FCHSD2: variants seen among roughly 807,000 people sequenced by gnomAD.
FCHSD2 encodes FCH and double SH3 domains 2, also known as F-BAR and double SH3 domains protein 2.
Under a neutral mutation model 108.1 loss-of-function variants are expected in FCHSD2, and 38 were observed. The observed-to-expected ratio is 0.35, with a 90% CI of 0.27 to 0.46. The LOEUF is 0.46. Ranked by LOEUF, FCHSD2 falls within the 20% of genes least tolerant of loss-of-function variation. The pLI is 1.00. For synonymous variants in FCHSD2, 279 were observed against 314.7 expected, an observed-to-expected ratio of 0.89 and a Z score of 1.20; for missense variants, 751 against 897.8, an observed-to-expected ratio of 0.84 and a Z score of 2.09.
intron 8 of FCHSD2, among the ~76,000 whole-genome samples, chr11:72,938,494 T>C (rs1410431123): frequency 6.6e-6 from 1 of 152,174 alleles, no homozygotes; most frequent in African/African-American, 2.4e-5. Context: ...TTCTATTCTC[T>C]TCCTTGCTGG....
chr11:72,893,778 A>C lies in FCHSD2; in HGVS notation c.925-3833T>G, dbSNP rs189775324. On this transcript the variant is annotated intron_variant, in intron 10 of 19. Coordinates refer to ENST00000409418, the MANE Select transcript of FCHSD2 (RefSeq NM_014824.3). ...AAAAAAAAAACTCTAGTCCCTTTAG[A>C]ATAAAATATTACAATAAAGTCTTTT... 1.5e-3 allele frequency among the ~76,000 whole-genome samples: 226 copies of C among 152,246 alleles called. 1 individual carries two copies. The highest frequency in any genetic ancestry group is 5.1e-3 in the African/African-American group (214 of 41,560).
chr11:73,062,869 G>A (rs777309777), intron 3 of FCHSD2, among the ~76,000 whole-genome samples: 3 of 152,130 alleles, frequency 2.0e-5, no homozygotes, highest in Non-Finnish European at 2.9e-5. Flanking sequence ...ACACTTCAGC[G>A]TATTATCCAG....
intron 8 of FCHSD2, among the ~76,000 whole-genome samples, chr11:72,962,616 T>C (rs1555064784): frequency 1.3e-5 from 2 of 151,204 alleles, no homozygotes; most frequent in Non-Finnish European, 2.9e-5. Context: ...TTTTTTAAAC[T>C]AAGAATGTTC....
chr11:72,937,795 A>G (rs190986362), intron 8 of FCHSD2, among the ~76,000 whole-genome samples: 4 of 152,366 alleles, frequency 2.6e-5, no homozygotes, highest in African/African-American at 7.2e-5. Flanking sequence ...GGGTGCTAGA[A>G]GAGAGGCACC....
Position 72,867,937 on chromosome 11 carries a change from T to C in FCHSD2, c.1236A>G (p.Gln412=), listed in dbSNP as rs778839203. The change falls in exon 13 of 20, where the codon CAA becomes CAG. Residue 412 remains glutamine (Q), a synonymous_variant. Transcript: ENST00000409418. ...VDTWLKSAMN[Q]VMEELENERW... is the part of the protein sequence containing the mutation. ...GCTCATTTTCCAGTTCTTCCATTAC[T>C]TGGTTCATGGCACTCTTTAGCCATG... 1.2e-6 allele frequency: 2 copies of C among 1,607,764 alleles called. No individual in the cohort carries two copies. The highest frequency in any genetic ancestry group is 1.7e-6 in the Non-Finnish European group (2 of 1,177,294).
Position 72,868,246 on chromosome 11 carries a change from G to A in FCHSD2, c.1147-220C>T, listed in dbSNP as rs138400995. Among the ~76,000 whole-genome samples, 24 of 152,234 alleles carry A rather than the reference G, an allele frequency of 1.6e-4. No individual in the cohort carries two copies. The East Asian group carries it at 4.4e-3, about 28-fold the overall frequency. ...CATTATCCTCAGCAAACTAAGGCAG[G>A]AACAGAAAACCAAACACTCCATGTT... On this transcript the variant is annotated intron_variant, in intron 12 of 19. Coordinates refer to ENST00000409418, the MANE Select transcript of FCHSD2 (RefSeq NM_014824.3).
At chr11:73,087,869 G>A (rs538391516) in intron 2 of FCHSD2, among the ~76,000 whole-genome samples, 1 of 152,204 alleles carries the variant, frequency 6.6e-6, no homozygotes, top group Admixed American at 6.5e-5. Context: ...CTCCATTCAT[G>A]GCAAGTGCCC....
At chr11:72,855,002 G>A (rs1013491408) in intron 13 of FCHSD2, among the ~76,000 whole-genome samples, 41 of 151,982 alleles carry the variant, frequency 2.7e-4, no homozygotes, top group African/African-American at 1.7e-4. Context: ...GGCCAGGCAC[G>A]GTGGCTCACA....
intron 3 of FCHSD2, among the ~76,000 whole-genome samples, chr11:73,066,239 C>T (rs192670960): frequency 1.2e-3 from 179 of 152,256 alleles, no homozygotes; most frequent in Non-Finnish European, 1.9e-3. Context: ...CACAAACAAG[C>T]AATGGGGAAA....
Position 72,840,947 on chromosome 11 carries a change from T to C in FCHSD2, c.2069A>G (p.His690Arg). The C allele has an allele frequency of 6.2e-7, 1 of 1,612,860 alleles. No homozygotes were observed. The highest frequency in any genetic ancestry group is 8.5e-7 in the Non-Finnish European group (1 of 1,178,992). The change falls in exon 19 of 20, where the codon CAT (histidine) becomes CGT (arginine). Residue 690 changes from histidine to arginine, a missense_variant. By Grantham distance (29) the His-to-Arg change is conservative (BLOSUM62 0). Transcript: ENST00000409418. Reference sequence around the variant, plus strand: ...CTGTGAGAATCCTGGTGACTCAGCATGAAGGCTTTTTTCTAAGGGAGAAAA... The same window carrying C: ...CTGTGAGAATCCTGGTGACTCAGCACGAAGGCTTTTTTCTAAGGGAGAAAA... Reference protein sequence around the residue: ...RSPSANEKSLHAESPGFSQAS... With the variant: ...RSPSANEKSLRAESPGFSQAS...
intron 8 of FCHSD2, among the ~76,000 whole-genome samples, chr11:72,963,604 G>T (rs764756038): frequency 1.1e-4 from 17 of 152,196 alleles, no homozygotes; most frequent in South Asian, 2.1e-4. Context: ...CAGTTTCGTG[G>T]AAGATAATTT....
At position 72,959,856 on chromosome 11, in the gene FCHSD2, G is replaced by GTGTGTGTT. The variant is rs1166052129; in HGVS notation, c.705+24231_705+24232insAACACACA. On this transcript the variant is annotated intron_variant, in intron 8 of 19. Transcript: ENST00000409418. ...TTCCCTGATTTTAAGTTTCTAGGGT[G>GTGTGTGTT]TGTGTGTGTGTGTGTGTGTGTGTGT... 2.7e-4 allele frequency among the ~76,000 whole-genome samples: 38 copies of GTGTGTGTT among 141,550 alleles called. 1 individual carries two copies. The highest frequency in any genetic ancestry group is 2.5e-3 in the Admixed American group (36 of 14,462). 92.9% of individuals were successfully genotyped at this position (141,550 alleles called of 152,430 possible).
At chr11:72,879,635 G>A (rs528963940) in intron 12 of FCHSD2, among the ~76,000 whole-genome samples, 2 of 152,206 alleles carry the variant, frequency 1.3e-5, no homozygotes, top group African/African-American at 4.8e-5. Flanking sequence ...TCACAAGATG[G>A]CCTTAACAGT....
intron 8 of FCHSD2, among the ~76,000 whole-genome samples, chr11:72,958,662 C>G (rs1401943092): frequency 1.3e-5 from 2 of 152,180 alleles, no homozygotes; most frequent in African/African-American, 4.8e-5. Context: ...ACCAATTCCA[C>G]TTTCTCCTTT....
At chr11:72,913,075 A>G (rs1432483894) in intron 9 of FCHSD2, among the ~76,000 whole-genome samples, 1 of 152,070 alleles carries the variant, frequency 6.6e-6, no homozygotes, top group East Asian at 1.9e-4. Flanking sequence ...GGTGCTACAC[A>G]CTTTTAAACA....
intron 10 of FCHSD2, among the ~76,000 whole-genome samples, chr11:72,901,809 A>G (rs963467107): frequency 2.0e-5 from 3 of 152,206 alleles, no homozygotes; most frequent in Non-Finnish European, 4.4e-5. Context: ...CTTTTATAAG[A>G]CCAACCAAAA....
rs139588810 is a variant in FCHSD2, at chr11:73,099,735, G to A, written c.120-15995C>T. 3.7e-4 allele frequency among the ~76,000 whole-genome samples: 56 copies of A among 152,308 alleles called. No homozygotes were observed. The East Asian group carries it at 8.1e-3, about 22-fold the overall frequency. On this transcript the variant is annotated intron_variant, in intron 2 of 19. Transcript: ENST00000409418. ...TCGGTCTGGTTGGGGCTGTCAAGCC[G>A]GACCAAAAAGGCTGTTTCCCCGTGG... is the stretch of plus-strand genomic sequence containing the variant.
intron 12 of FCHSD2, among the ~76,000 whole-genome samples, chr11:72,886,452 T>C (rs1855201120): frequency 1.3e-5 from 2 of 152,186 alleles, no homozygotes; most frequent in Non-Finnish European, 2.9e-5. Flanking sequence ...CCAGAGTGAT[T>C]TCTGTGGCCT....
chr11:72,854,111 T>C (rs540921205), intron 13 of FCHSD2, among the ~76,000 whole-genome samples: 2 of 152,318 alleles, frequency 1.3e-5, no homozygotes, highest in East Asian at 3.9e-4. Flanking sequence ...AAATTGGAAC[T>C]TTTATACACT....
Sources: allele counts gnomAD v4.1 joint callset (sites outside exome capture counted in the v4.1 genomes callset), GRCh38; gene constraint gnomAD v4.1.1; transcripts MANE v1.5; gene names NCBI Gene and HGNC (gene_info 2026-07-23, HGNC 2026-07-21).